The following CMIP variants were observed in gnomAD, a reference collection of about 807,000 sequenced individuals.
CMIP encodes C-Maf-inducing protein.
In CMIP, 13 loss-of-function variants were observed where a neutral mutation model predicts 97.3. The observed-to-expected ratio is 0.13, with a 90% CI of 0.09 to 0.21. CMIP has a LOEUF of 0.21. Ranked by LOEUF, CMIP falls within the 10% of genes least tolerant of loss-of-function variation. CMIP has a pLI of 1.00. For synonymous variants in CMIP, 538 were observed against 436.3 expected, an observed-to-expected ratio of 1.23 and a Z score of -2.91; for missense variants, 847 against 1,024.9, an observed-to-expected ratio of 0.83 and a Z score of 2.37.
intron 2 of CMIP, 94 bp downstream of exon 2, chr16:81,607,786 A>C: frequency 7.3e-7 from 1 of 1,366,186 alleles, no homozygotes. Flanking sequence ...GCAGCTATCA[A>C]GAGGAAAGGT....
chr16:81,686,183 C>T (rs969395385), intron 10 of CMIP, among the ~76,000 whole-genome samples: 3 of 152,236 alleles, frequency 2.0e-5, no homozygotes, highest in African/African-American at 7.2e-5. Flanking sequence ...TTGCTGTCAA[C>T]TGCATTTCCA....
chr16:81,657,102 G>T (rs1487212659), intron 4 of CMIP, among the ~76,000 whole-genome samples: 1 of 152,058 alleles, frequency 6.6e-6, no homozygotes, highest in Non-Finnish European at 1.5e-5. Flanking sequence ...TTTTCAGTAA[G>T]GGATGTTCAA....
intron 3 of CMIP, chr16:81,631,723 T>C (rs976899566): frequency 2.0e-5 from 3 of 152,338 alleles, no homozygotes; most frequent in African/African-American, 7.2e-5. Flanking sequence ...GTTCATTCTG[T>C]GGATAGGTCT....
In CMIP at chr16:81,611,631, C is replaced by G. The variant is rs1316956214; in HGVS notation, c.426+3939C>G. 2.6e-5 allele frequency among the ~76,000 whole-genome samples: 4 copies of G among 152,246 alleles called. No homozygotes were observed. In the East Asian group the frequency reaches 5.8e-4, roughly 22 times the overall value. ...TCTTTAGTCCTTGCTGTGGCTCACT[C>G]TGGGCTTCTCTTGCAGGTCCTTCCT... On this transcript the variant is annotated intron_variant, in intron 2 of 20. Transcript: ENST00000537098.
At chr16:81,609,201 C>A (rs1400241403) in intron 2 of CMIP, among the ~76,000 whole-genome samples, 2 of 151,084 alleles carry the variant, frequency 1.3e-5, no homozygotes, top group African/African-American at 4.9e-5. Flanking sequence ...CCCACCACAG[C>A]CAGCAAAGCC....
chr16:81,652,192 C>T lies in CMIP; in HGVS notation c.478-11C>T. On this transcript the variant is annotated splice_polypyrimidine_tract_variant and intron_variant, in intron 3 of 20. Transcript: ENST00000537098. This position sits in a 1 kb window ranked among gnomAD's most constrained non-coding sequence, Gnocchi z 5.2. ...GTAACATGTTGCTGTCTCTTTATCTCTTTCAACCAGAAAAAGATTTACAAA... is the reference window on the plus strand; with the variant it reads ...GTAACATGTTGCTGTCTCTTTATCTTTTTCAACCAGAAAAAGATTTACAAA... 6.2e-7 allele frequency: 1 copy of T among 1,607,138 alleles called. No individual in the cohort carries two copies. Among genetic ancestry groups the T allele is most frequent in the Non-Finnish European group, 8.5e-7 (1 of 1,174,156 alleles).
chr16:81,585,636 G>A (rs1025550811), intron 1 of CMIP, among the ~76,000 whole-genome samples: 6 of 152,044 alleles, frequency 3.9e-5, no homozygotes, highest in Non-Finnish European at 8.8e-5. Flanking sequence ...ATGTCGTAGC[G>A]TGTGTCAGTA....
intron 1 of CMIP, among the ~76,000 whole-genome samples, chr16:81,546,478 G>A (rs1230758926): frequency 6.6e-6 from 1 of 152,156 alleles, no homozygotes; most frequent in Non-Finnish European, 1.5e-5. Flanking sequence ...TGGGGAAGGA[G>A]AAGAGGCTCT....
intron 13 of CMIP, among the ~76,000 whole-genome samples, chr16:81,694,032 C>T (rs1310897062): frequency 2.0e-5 from 3 of 152,210 alleles, no homozygotes; most frequent in African/African-American, 4.8e-5. Flanking sequence ...TAGCCCTGGG[C>T]CCGCATCATC....
chr16:81,622,976 G>A (rs1431765117), intron 3 of CMIP, among the ~76,000 whole-genome samples: 2 of 152,262 alleles, frequency 1.3e-5, no homozygotes, highest in African/African-American at 4.8e-5. Context: ...GGCCAAAGCA[G>A]GCGGGTAGTC....
chr16:81,677,596 T>C (rs956792237), intron 9 of CMIP, among the ~76,000 whole-genome samples: 1 of 152,212 alleles, frequency 6.6e-6, no homozygotes, highest in Non-Finnish European at 1.5e-5. Context: ...TTTCATCTTG[T>C]TTGCCCAGTG....
intron 1 of CMIP, among the ~76,000 whole-genome samples, chr16:81,466,779 G>A (rs759381777): frequency 3.3e-4 from 50 of 152,300 alleles, no homozygotes; most frequent in Middle Eastern, 3.4e-3. Context: ...GGGCTGAACC[G>A]AATTTGTTCA....
intron 1 of CMIP, among the ~76,000 whole-genome samples, chr16:81,533,170 C>A (rs1449505079): frequency 6.6e-6 from 1 of 152,204 alleles, no homozygotes; most frequent in Non-Finnish European, 1.5e-5. Flanking sequence ...ATCTGACAGA[C>A]CACGCGTTTC....
rs907227739 is a variant in CMIP, at chr16:81,709,944, AG to A, written c.*150del. On this transcript the variant is annotated 3_prime_UTR_variant, in exon 21 of 21. Transcript: ENST00000537098. ...GAGTCTTTCTGGGGGCGGAGGGGGG[AG>A]GGGGTGGGGAGGGGGCCCACAAGCA... The A allele has an allele frequency of 1.9e-4, 2 of 10,794 alleles. No individual in the cohort carries two copies. Among genetic ancestry groups the A allele is most frequent in the African/African-American group, 9.0e-4 (2 of 2,222 alleles). 0.7% of individuals were successfully genotyped at this position (10,794 alleles called of 1,614,324 possible). A position where few individuals can be genotyped will look rare whatever the true frequency, so the allele number is the denominator to read the frequency against.
chr16:81,534,809 C>CAAAA (rs2150828711), intron 1 of CMIP, among the ~76,000 whole-genome samples: 1 of 152,288 alleles, frequency 6.6e-6, no homozygotes, highest in South Asian at 2.1e-4. Context: ...GTGCCCTTTT[C>CAAAA]CCATTGCTTT....
intron 1 of CMIP, among the ~76,000 whole-genome samples, chr16:81,585,538 G>A (rs2091367517): frequency 6.6e-6 from 1 of 152,234 alleles, no homozygotes; most frequent in East Asian, 1.9e-4. Flanking sequence ...TGCCTATTCT[G>A]GACATTTCAT....
chr16:81,513,987 CA>C (rs1357212092), intron 1 of CMIP, among the ~76,000 whole-genome samples: 1 of 152,072 alleles, frequency 6.6e-6, no homozygotes, highest in Non-Finnish European at 1.5e-5. Flanking sequence ...CAAAACAGAC[CA>C]TGGGGTTTCC....
chr16:81,559,231 G>A lies in CMIP; in HGVS notation c.301-48336G>A, dbSNP rs571696858. On this transcript the variant is annotated intron_variant, in intron 1 of 20. Transcript: ENST00000537098. ...ACCAGACAGTTTGATATCAGACCCCGAACATGGCCTAGGTGGGCTTGGGGT... is the reference window on the plus strand; with the variant it reads ...ACCAGACAGTTTGATATCAGACCCCAAACATGGCCTAGGTGGGCTTGGGGT... Among the ~76,000 whole-genome samples, 7 of 152,004 alleles carry A rather than the reference G, an allele frequency of 4.6e-5. 1 individual carries two copies. Among genetic ancestry groups the A allele is most frequent in the Admixed American group, 4.6e-4 (7 of 15,260 alleles).
chr16:81,460,103 GC>G (rs147700890), intron 1 of CMIP, among the ~76,000 whole-genome samples: 22,781 of 152,026 alleles, frequency 0.15, 1,818 homozygotes, highest in Non-Finnish European at 0.19. Flanking sequence ...GGCTCCCCTG[GC>G]CACCCCAGAG....
Sources: allele counts gnomAD v4.1 joint callset (sites outside exome capture counted in the v4.1 genomes callset), GRCh38; gene constraint gnomAD v4.1.1; non-coding constraint Gnocchi (gnomAD v3.1); transcripts MANE v1.5; gene names NCBI Gene and HGNC (gene_info 2026-07-23, HGNC 2026-07-21).